The following POLR2F variants were observed in gnomAD, a reference collection of about 807,000 sequenced individuals.
POLR2F encodes the protein DNA-directed RNA polymerases I, II, and III subunit RPABC2.
In POLR2F, 12 loss-of-function variants were observed where a neutral mutation model predicts 22.7. The observed-to-expected ratio is 0.53, with a 90% CI of 0.34 to 0.86. POLR2F has a LOEUF of 0.86. Ranked by LOEUF, POLR2F falls within the 40% of genes least tolerant of loss-of-function variation. The probability of loss-of-function intolerance (pLI) is 0.02; values close to 1 mark genes in which losing one functional copy is unlikely to be tolerated. For missense variants in POLR2F, 126 were observed against 171.5 expected (o/e 0.73, Z 1.48); for synonymous variants, 57 against 66.0 (o/e 0.86, Z 0.66).
chr22:38,035,755 C>T (rs1021986192), intron 5 of POLR2F, among the ~76,000 whole-genome samples: 5 of 152,196 alleles, frequency 3.3e-5, no homozygotes, highest in African/African-American at 1.2e-4. Context: ...AGGGGAAGCC[C>T]TGGCGGGAGC....
chr22:38,025,322 C>T (rs1056117815), intron 1 of POLR2F, among the ~76,000 whole-genome samples: 6 of 152,102 alleles, frequency 3.9e-5, no homozygotes, highest in African/African-American at 9.7e-5. Flanking sequence ...CACACATGCA[C>T]GTACACACAT....
rs543885177 is a variant in POLR2F at position 37,986,438 on chromosome 22, A to G, written c.120+126A>G. 574 of 1,528,928 alleles carry G rather than the reference A, an allele frequency of 3.8e-4. 2 individuals are homozygous for G. The highest frequency in any genetic ancestry group is 4.5e-4 in the Non-Finnish European group (510 of 1,142,080). 94.7% of individuals were successfully genotyped at this position (1,528,928 alleles called of 1,614,324 possible). A position where few individuals can be genotyped will look rare whatever the true frequency, so the allele number is the denominator to read the frequency against. On this transcript the variant is annotated intron_variant, in intron 1 of 2. Coordinates refer to the POLR2F transcript ENST00000333418. This position sits in a 1 kb window ranked among gnomAD's most constrained non-coding sequence, Gnocchi z 4.7. The stretch of plus-strand genomic sequence containing the variant: ...GGCAGGAGGGGTGGTTGTGGAAGGA[A>G]AGAGCCCAGAGTTAGGAGGTGGAAT...
chr22:38,028,449 G>A (rs569525529), downstream of POLR2F, among the ~76,000 whole-genome samples: 91 of 152,206 alleles, frequency 6.0e-4, no homozygotes, highest in African/African-American at 2.0e-3. Flanking sequence ...CTGATACGGG[G>A]GCTCATGACC....
At chr22:38,029,518 T>C (rs1240683839), downstream of POLR2F, among the ~76,000 whole-genome samples, 1 of 152,152 alleles carries the variant, frequency 6.6e-6, no homozygotes, top group African/African-American at 2.4e-5. Context: ...AAGGGGGTAA[T>C]GGAGGACTTC....
intron 1 of POLR2F, among the ~76,000 whole-genome samples, chr22:37,991,685 G>T (rs959661720): frequency 6.6e-6 from 1 of 152,182 alleles, no homozygotes; most frequent in Non-Finnish European, 1.5e-5. Context: ...AGATGTGCAT[G>T]TTCCTTACTT....
chr22:37,976,874 G>C (rs1381573961), intron 4 of POLR2F, among the ~76,000 whole-genome samples: 2 of 152,138 alleles, frequency 1.3e-5, no homozygotes, highest in Admixed American at 1.3e-4. Context: ...TCCATGGCCA[G>C]ACACGGTATC....
At chr22:37,983,641 T>G (rs1601887003), upstream of POLR2F, 2 of 1,600,048 alleles carry the variant, frequency 1.2e-6, no homozygotes, top group Admixed American at 1.7e-5. This position sits in a 1 kb window ranked among gnomAD's most constrained non-coding sequence, Gnocchi z 9.5. Flanking sequence ...CCAGCTCGCC[T>G]GGCCCCGGGC....
chr22:37,956,527 G>A (rs545901218), intron 1 of POLR2F, among the ~76,000 whole-genome samples: 27 of 151,588 alleles, frequency 1.8e-4, no homozygotes, highest in Admixed American at 3.9e-4. Flanking sequence ...AGCAATTCTT[G>A]TGACTCAGCC....
intron 5 of POLR2F, among the ~76,000 whole-genome samples, chr22:38,039,415 T>C (rs1262846486): frequency 6.6e-6 from 1 of 152,132 alleles, no homozygotes; most frequent in Non-Finnish European, 1.5e-5. Flanking sequence ...GATGATGCCA[T>C]TTTCAGATGA....
chr22:38,040,664 A>G (rs1478646050), intron 5 of POLR2F: 1 of 236,514 alleles, frequency 4.2e-6, no homozygotes, highest in East Asian at 1.0e-4. Context: ...TGTTCAGTAA[A>G]TGCTTTGAAT....
chr22:38,012,184 C>T (rs988273047), intron 1 of POLR2F, among the ~76,000 whole-genome samples: 2 of 151,360 alleles, frequency 1.3e-5, no homozygotes, highest in South Asian at 2.1e-4. Context: ...TGGGTTCAAG[C>T]GATTCTTGTG....
At chr22:37,987,292 T>G (rs1601890656) in intron 1 of POLR2F, 1 of 456,558 alleles carries the variant, frequency 2.2e-6, no homozygotes, top group South Asian at 1.5e-5. Context: ...TTAAGGCAGG[T>G]CCCGGATTTA....
Position 38,008,856 on chromosome 22 carries a change from T to C in POLR2F, c.121-17013T>C, listed in dbSNP as rs775649048. 2.6e-3 allele frequency among the ~76,000 whole-genome samples: 349 copies of C among 135,026 alleles called. 1 individual carries two copies. The highest frequency in any genetic ancestry group is 3.7e-3 in the Non-Finnish European group (235 of 64,234). 88.6% of individuals were successfully genotyped at this position (135,026 alleles called of 152,430 possible). A position where few individuals can be genotyped will look rare whatever the true frequency, so the allele number is the denominator to read the frequency against. On this transcript the variant is annotated intron_variant, in intron 1 of 2. Coordinates refer to the POLR2F transcript ENST00000333418. ...CTGGGTGACAGAGTGAGATGCTGTC[T>C]CAAAAAAAAAAAAAAAGAAAGAAAA...
chr22:37,966,959 C>T (rs1201255596), intron 3 of POLR2F, 140 bp from the exon 4 acceptor site: 2 of 622,174 alleles, frequency 3.2e-6, no homozygotes, highest in Non-Finnish European at 5.6e-6. Context: ...AGTGCCCCTA[C>T]ACACCACTCC....
In POLR2F at chr22:37,997,747, C is replaced by T. The variant is rs1312385793; in HGVS notation, c.120+11435C>T. 6.6e-6 allele frequency among the ~76,000 whole-genome samples: 1 copy of T among 152,170 alleles called. No individual in the cohort carries two copies. The highest frequency in any genetic ancestry group is 1.5e-5 in the Non-Finnish European group (1 of 68,032). ...GCTCCGCATCTCCCTCTTCCCATTT[C>T]CAGCTTCCCTGAGACTGCCCCGGGG... On this transcript the variant is annotated intron_variant, in intron 1 of 2. Transcript: ENST00000333418. The surrounding 1 kb of genome is among the most constrained non-coding windows in gnomAD (Gnocchi z 4.4).
At chr22:37,967,441 C>T in intron 4 of POLR2F, 184 bp from the exon 5 acceptor site, 1 of 1,435,246 alleles carries the variant, frequency 7.0e-7, no homozygotes, top group Non-Finnish European at 9.1e-7. Context: ...TCATTCTTCC[C>T]CCTCTTGTCT....
chr22:37,960,115 T>C (rs971069011), intron 3 of POLR2F, among the ~76,000 whole-genome samples: 4 of 151,946 alleles, frequency 2.6e-5, no homozygotes, highest in African/African-American at 9.7e-5. Flanking sequence ...TGGTGGTTCT[T>C]TGTTGTTTTA....
chr22:37,981,626 C>T (rs1033992896), upstream of POLR2F, among the ~76,000 whole-genome samples: 17 of 152,126 alleles, frequency 1.1e-4, no homozygotes, highest in African/African-American at 3.9e-4. Flanking sequence ...TCGTTGGGCT[C>T]GTACTGTGGT....
At chr22:38,014,812 T>A (rs888139584) in intron 1 of POLR2F, among the ~76,000 whole-genome samples, 4 of 144,942 alleles carry the variant, frequency 2.8e-5, no homozygotes, top group African/African-American at 7.6e-5. Context: ...TTGTATTTTT[T>A]TTTTTTTTTT....
Sources: gnomAD v4.1 joint callset for allele counts (sites outside exome capture counted in the v4.1 genomes callset) on GRCh38, gnomAD v4.1.1 for gene constraint, Gnocchi (gnomAD v3.1) non-coding constraint, MANE v1.5 for transcripts, NCBI Gene and HGNC (gene_info 2026-07-23, HGNC 2026-07-21) for gene names.